Variants in HDAC9 observed in about 807,000 individuals in gnomAD.
HDAC9 encodes histone deacetylase 9.
A neutral mutation model predicts 139.4 loss-of-function variants in HDAC9; 41 were observed. The ratio of observed to expected loss-of-function variants is 0.29; its 90% CI spans 0.23 to 0.38. The LOEUF (loss-of-function observed/expected upper bound fraction) is 0.38. Among genes scored for constraint, HDAC9 ranks in the 10% least tolerant of loss-of-function variants. The probability of loss-of-function intolerance (pLI) is 1.00; values close to 1 mark genes in which losing one functional copy is unlikely to be tolerated. For synonymous variants in HDAC9, 517 were observed against 476.2 expected (o/e 1.09, Z -1.12); for missense variants, 1,147 against 1,297.0 (o/e 0.88, Z 1.78).
intron 22 of HDAC9, among the ~76,000 whole-genome samples, chr7:18,898,100 C>T (rs1801377948): frequency 6.6e-6 from 1 of 151,846 alleles, no homozygotes; most frequent in Admixed American, 6.6e-5. Flanking sequence ...CCATTTTAGA[C>T]ATTTCTTGGT....
At chr7:18,649,636 A>G (rs1444807364) in intron 11 of HDAC9, among the ~76,000 whole-genome samples, 3 of 152,186 alleles carry the variant, frequency 2.0e-5, no homozygotes, top group Admixed American at 2.0e-4. Context: ...ACAAAACAAA[A>G]CAAAATAAAC....
chr7:18,996,140 C>A lies in HDAC9; in HGVS notation c.*78C>A. ...CCCACCCCAGTACCCTCAGACATGT[C>A]TTGTCTGCTGCCTGGGTGGCACAGA... is the stretch of plus-strand genomic sequence containing the variant. On this transcript the variant is annotated 3_prime_UTR_variant, in exon 26 of 26. Transcript: ENST00000686413. The A allele has an allele frequency of 1.9e-6, 2 of 1,078,388 alleles. No homozygotes were observed. Among genetic ancestry groups the A allele is most frequent in the Non-Finnish European group, 2.8e-6 (2 of 721,688 alleles). 66.8% of individuals were successfully genotyped at this position (1,078,388 alleles called of 1,614,324 possible). A position where few individuals can be genotyped will look rare whatever the true frequency, so the allele number is the denominator to read the frequency against.
chr7:18,695,121 G>A (rs1782948601), intron 12 of HDAC9, among the ~76,000 whole-genome samples: 2 of 152,152 alleles, frequency 1.3e-5, no homozygotes, highest in Non-Finnish European at 2.9e-5. Flanking sequence ...CTTGGGACTG[G>A]ATCAAGATGA....
At chr7:18,752,086 A>G (rs1309146620) in intron 14 of HDAC9, among the ~76,000 whole-genome samples, 1 of 152,178 alleles carries the variant, frequency 6.6e-6, no homozygotes, top group Non-Finnish European at 1.5e-5. Context: ...CAAAGATGCT[A>G]AACTTTCTAT....
intron 22 of HDAC9, among the ~76,000 whole-genome samples, chr7:18,932,501 C>T (rs914618996): frequency 4.6e-5 from 7 of 152,070 alleles, no homozygotes; most frequent in Non-Finnish European, 5.9e-5. Flanking sequence ...TTGTTGACTA[C>T]CCTGGGGGCA....
chr7:18,417,023 A>G (rs1789136555), intron 1 of HDAC9, among the ~76,000 whole-genome samples: 1 of 152,062 alleles, frequency 6.6e-6, no homozygotes, highest in South Asian at 2.1e-4. Context: ...AAATTTAGAT[A>G]TCCTTCAAAT....
intron 2 of HDAC9, among the ~76,000 whole-genome samples, chr7:18,548,470 C>G (rs1326707055): frequency 2.0e-5 from 3 of 152,202 alleles, no homozygotes; most frequent in Admixed American, 6.5e-5. Context: ...GGAAAAATAT[C>G]TACAAAGCAC....
chr7:18,925,379 G>A (rs1401288356), intron 22 of HDAC9, among the ~76,000 whole-genome samples: 1 of 152,114 alleles, frequency 6.6e-6, no homozygotes, highest in African/African-American at 2.4e-5. Flanking sequence ...CACTTAGCAT[G>A]GTGCCTGGTT....
intron 2 of HDAC9, among the ~76,000 whole-genome samples, chr7:18,559,521 G>C (rs889302568): frequency 6.6e-6 from 1 of 152,142 alleles, no homozygotes; most frequent in Admixed American, 6.6e-5. Flanking sequence ...AGGAGGAGGG[G>C]GTAGGGACAT....
chr7:18,455,167 C>T (rs1474175976), intron 1 of HDAC9, among the ~76,000 whole-genome samples: 1 of 152,016 alleles, frequency 6.6e-6, no homozygotes, highest in East Asian at 1.9e-4. Context: ...AGATATCTTC[C>T]TGTTTGCTCT....
intron 21 of HDAC9, among the ~76,000 whole-genome samples, chr7:18,853,270 A>T (rs765581303): frequency 2.6e-5 from 4 of 152,138 alleles, no homozygotes; most frequent in Admixed American, 1.3e-4. Context: ...TTGCATGATT[A>T]TATTTATTAA....
At chr7:18,169,450 A>C (rs746551049) in intron 2 of HDAC9, among the ~76,000 whole-genome samples, 7 of 149,788 alleles carry the variant, frequency 4.7e-5, no homozygotes, top group Admixed American at 1.3e-4. Flanking sequence ...ATGATACATC[A>C]GTTTTTTTTT....
chr7:18,340,278 T>G (rs1253939557), intron 1 of HDAC9, among the ~76,000 whole-genome samples: 1 of 151,570 alleles, frequency 6.6e-6, no homozygotes, highest in African/African-American at 2.4e-5. Context: ...AATGAGTACC[T>G]TGAAGGCTGC....
At chr7:18,784,600 C>G (rs899580668) in intron 16 of HDAC9, among the ~76,000 whole-genome samples, 2 of 151,748 alleles carry the variant, frequency 1.3e-5, no homozygotes, top group Admixed American at 1.3e-4. Flanking sequence ...ACTGAGGAAG[C>G]ATCTTTATGT....
In HDAC9 at chr7:18,489,689, A is replaced by G. The variant is rs575780961; in HGVS notation, c.-41-6573A>G. On this transcript the variant is annotated intron_variant, in intron 1 of 3. Transcript: ENST00000413509. Reference sequence around the variant, plus strand: ...TTGCACTGTGGCTGTGAAATAGTTGATATTCAATATATGAAATAACTCACT... The same window carrying G: ...TTGCACTGTGGCTGTGAAATAGTTGGTATTCAATATATGAAATAACTCACT... Among the ~76,000 whole-genome samples the G allele has an allele frequency of 2.0e-5, 3 of 152,154 alleles. No individual in the cohort carries two copies. In the East Asian group the frequency reaches 5.8e-4, roughly 29 times the overall value.
intron 1 of HDAC9, among the ~76,000 whole-genome samples, chr7:18,442,008 G>T (rs1306583603): frequency 6.6e-6 from 1 of 152,068 alleles, no homozygotes; most frequent in Non-Finnish European, 1.5e-5. Context: ...CTGACCTCGT[G>T]ATCTGCCCGC....
chr7:18,619,673 G>A (rs1416607356), intron 6 of HDAC9, among the ~76,000 whole-genome samples: 3 of 152,146 alleles, frequency 2.0e-5, no homozygotes, highest in African/African-American at 7.2e-5. Context: ...AAGAGAGAGG[G>A]AATTTGAAGA....
At chr7:18,822,406 G>A (rs1316437015) in intron 17 of HDAC9, among the ~76,000 whole-genome samples, 1 of 152,170 alleles carries the variant, frequency 6.6e-6, no homozygotes, top group Non-Finnish European at 1.5e-5. Flanking sequence ...CCAGGCTGGG[G>A]TGCAATGGGG....
At chr7:18,910,016 C>G (rs1055959048) in intron 22 of HDAC9, among the ~76,000 whole-genome samples, 6 of 151,690 alleles carry the variant, frequency 4.0e-5, no homozygotes, top group Admixed American at 1.3e-4. Context: ...ATATTTCTAC[C>G]TAGATGATCT....
Sources: gnomAD v4.1 joint callset for allele counts (sites outside exome capture counted in the v4.1 genomes callset) on GRCh38, gnomAD v4.1.1 for gene constraint, MANE v1.5 for transcripts, NCBI Gene and HGNC (gene_info 2026-07-23, HGNC 2026-07-21) for gene names.